CACNB2: variants seen among roughly 807,000 people sequenced by gnomAD.
The protein encoded by CACNB2 is calcium voltage-gated channel auxiliary subunit beta 2.
A neutral mutation model predicts 73.3 loss-of-function variants in CACNB2; 42 were observed. That is an observed-to-expected ratio of 0.57 (90% confidence interval 0.45 to 0.74). The LOEUF (loss-of-function observed/expected upper bound fraction) is 0.74. Ranked by LOEUF, CACNB2 falls within the 30% of genes least tolerant of loss-of-function variation. The pLI, the probability that CACNB2 is intolerant of heterozygous loss-of-function variation, is 0.00. For synonymous variants in CACNB2, 348 were observed against 310.3 expected, an observed-to-expected ratio of 1.12 and a Z score of -1.28; for missense variants, 940 against 853.0, an observed-to-expected ratio of 1.10 and a Z score of -1.27.
intron 2 of CACNB2, among the ~76,000 whole-genome samples, chr10:18,198,928 G>A (rs141901719): frequency 6.6e-6 from 1 of 152,176 alleles, no homozygotes; most frequent in Non-Finnish European, 1.5e-5. Flanking sequence ...ATATAGCATG[G>A]CATTCAACTT....
chr10:18,380,975 A>T (rs1057092944), intron 2 of CACNB2, among the ~76,000 whole-genome samples: 1 of 151,880 alleles, frequency 6.6e-6, no homozygotes, highest in African/African-American at 2.4e-5. Flanking sequence ...GAAATCTGTA[A>T]TGCCCTTCCT....
chr10:18,157,838 G>A (rs558495435), intron 2 of CACNB2, among the ~76,000 whole-genome samples: 1 of 152,288 alleles, frequency 6.6e-6, no homozygotes, highest in Admixed American at 6.5e-5. Flanking sequence ...AAAGATAAAA[G>A]TTAGTCTTCT....
chr10:18,260,847 G>A, intron 2 of CACNB2: 1 of 1,076,210 alleles, frequency 9.3e-7, no homozygotes, highest in Non-Finnish European at 1.1e-6. Context: ...GTACTGCAGG[G>A]TCGCGAAATG....
At position 18,542,007 on chromosome 10, in the gene CACNB2, T is replaced by A. The variant is rs965779178; in HGVS notation, c.*2283T>A. The A allele has an allele frequency of 1.3e-5, 2 of 152,058 alleles. No homozygotes were observed. Among genetic ancestry groups the A allele is most frequent in the African/African-American group, 4.8e-5 (2 of 41,410 alleles). The allele number at this position is 152,058 out of a possible 1,614,324, so 9.4% of individuals were successfully genotyped here. ...AAACTGTTTTACATTTAACTCCTTA[T>A]TTCCCTTACCCCCAAGAAAACGCAA... On this transcript the variant is annotated 3_prime_UTR_variant, in exon 14 of 14. Coordinates refer to ENST00000324631, the MANE Select transcript of CACNB2 (RefSeq NM_201596.3).
intron 1 of CACNB2, among the ~76,000 whole-genome samples, chr10:18,141,937 A>T (rs36045774): frequency 0.12 from 17,613 of 152,250 alleles, 1,183 homozygotes; most frequent in Admixed American, 0.2. Context: ...GGTAAGATAT[A>T]TATGTGTGTG....
chr10:18,432,411 C>A (rs530147534), intron 3 of CACNB2, among the ~76,000 whole-genome samples: 115 of 151,286 alleles, frequency 7.6e-4, no homozygotes, highest in Middle Eastern at 6.8e-3. Context: ...TAAAACTTAA[C>A]ACAAATTGCA....
chr10:18,372,231 G>T (rs12777923), intron 2 of CACNB2, among the ~76,000 whole-genome samples: 15,217 of 152,144 alleles, frequency 0.1, 1,031 homozygotes, highest in Admixed American at 0.16. Flanking sequence ...GTCAATTTTG[G>T]CTTTTGTTGC....
chr10:18,397,464 A>G (rs1220362349), intron 2 of CACNB2, among the ~76,000 whole-genome samples: 2 of 151,840 alleles, frequency 1.3e-5, no homozygotes, highest in Non-Finnish European at 2.9e-5. Flanking sequence ...GACTATCTCA[A>G]AAAAGAAAAA....
intron 2 of CACNB2, among the ~76,000 whole-genome samples, chr10:18,323,653 A>G (rs914375414): frequency 5.3e-5 from 8 of 152,210 alleles, no homozygotes; most frequent in African/African-American, 1.7e-4. Context: ...ATGGATCTCA[A>G]TGTGATATTT....
At chr10:18,268,789 A>G (rs2037922064) in intron 2 of CACNB2, among the ~76,000 whole-genome samples, 1 of 152,228 alleles carries the variant, frequency 6.6e-6, no homozygotes, top group African/African-American at 2.4e-5. Context: ...TATAAAATTT[A>G]AATATGTTAT....
chr10:18,469,945 C>G (rs1037350648), intron 3 of CACNB2, among the ~76,000 whole-genome samples: 10 of 152,120 alleles, frequency 6.6e-5, no homozygotes, highest in African/African-American at 2.4e-4. Context: ...AGTCCTGGTT[C>G]TATTCATCTT....
chr10:18,299,539 C>A (rs1424605399), intron 2 of CACNB2, among the ~76,000 whole-genome samples: 1 of 152,052 alleles, frequency 6.6e-6, no homozygotes. Context: ...GGTGAAACCC[C>A]ATCTCCACAA....
rs1172571195 is a variant in CACNB2 at position 18,199,973 on chromosome 10, GTGTGTGTGTGTC to G, written c.213+49002_213+49013del. 8.9e-3 allele frequency among the ~76,000 whole-genome samples: 1,301 copies of G among 145,818 alleles called. 13 individuals carry two copies. Among genetic ancestry groups the G allele is most frequent in the African/African-American group, 0.034 (1,211 of 35,676 alleles). On this transcript the variant is annotated intron_variant, in intron 2 of 13. Transcript: ENST00000324631. ...TGTGTGTGTGTGTGTGTGTGTGTGT[GTGTGTGTGTGTC>G]TGTATTGTTGTAAACAAAGATGAGC...
chr10:18,482,096 G>A (rs1482296824), intron 3 of CACNB2, among the ~76,000 whole-genome samples: 4 of 152,230 alleles, frequency 2.6e-5, no homozygotes, highest in Middle Eastern at 3.4e-3. Flanking sequence ...GTTTTGCCAT[G>A]TTGTCCAGGC....
At chr10:18,159,202 T>A (rs1400994904) in intron 2 of CACNB2, among the ~76,000 whole-genome samples, 1 of 152,038 alleles carries the variant, frequency 6.6e-6, no homozygotes, top group Admixed American at 6.5e-5. Context: ...TTCCACAGCA[T>A]GGCCATTTTC....
At chr10:18,453,770 C>T (rs1352896816) in intron 3 of CACNB2, among the ~76,000 whole-genome samples, 1 of 152,166 alleles carries the variant, frequency 6.6e-6, no homozygotes, top group African/African-American at 2.4e-5. Flanking sequence ...GCTGGGGTCA[C>T]AGGCGTGCAC....
chr10:18,340,840 TTGGC>T (rs2041202924), intron 2 of CACNB2: 1 of 1,613,428 alleles, frequency 6.2e-7, no homozygotes, highest in South Asian at 1.1e-5. Context: ...AAAGCAAGAC[TTGGC>T]TGCCTTTTAG....
chr10:18,220,201 G>GTATATATA (rs773942256), intron 2 of CACNB2, among the ~76,000 whole-genome samples: 10 of 23,308 alleles, frequency 4.3e-4, no homozygotes, highest in East Asian at 2.8e-3. Flanking sequence ...ATATGTGTGT[G>GTATATATA]TATATATATA....
At chr10:18,374,067 G>C (rs1298309513) in intron 2 of CACNB2, among the ~76,000 whole-genome samples, 4 of 152,198 alleles carry the variant, frequency 2.6e-5, no homozygotes. Context: ...GCATATCAGG[G>C]ATAGATAGAA....
Sources: allele counts gnomAD v4.1 joint callset (sites outside exome capture counted in the v4.1 genomes callset), GRCh38; gene constraint gnomAD v4.1.1; transcripts MANE v1.5; gene names NCBI Gene and HGNC (gene_info 2026-07-23, HGNC 2026-07-21).